Variants in BABAM1 observed in about 807,000 individuals in gnomAD.
The protein encoded by BABAM1 is BRISC and BRCA1-A complex member 1.
A neutral mutation model predicts 34.4 loss-of-function variants in BABAM1; 14 were observed. The observed-to-expected ratio is 0.41, with a 90% CI of 0.27 to 0.64. BABAM1 has a LOEUF of 0.64. Ranked by LOEUF, BABAM1 falls within the 30% of genes least tolerant of loss-of-function variation. The pLI is 0.34. For synonymous variants in BABAM1, 169 were observed against 165.8 expected, an observed-to-expected ratio of 1.02 and a Z score of -0.15; for missense variants, 393 against 434.0, an observed-to-expected ratio of 0.91 and a Z score of 0.84.
In BABAM1 at chr19:17,276,612, G is replaced by A. The variant is rs149371949; in HGVS notation, c.687G>A (p.Thr229=). The change falls in exon 7 of 9, where the codon ACG becomes ACA. Residue 229 remains threonine (T), a synonymous_variant. Coordinates refer to ENST00000598188, the MANE Select transcript of BABAM1 (RefSeq NM_014173.4). ...CTTGCCAGCCCCAGTTCTCCTTGAC[G>A]GAGCCCATGAAGGTGGGTGAGGCCT... ...RPPCQPQFSL[T]EPMKKMFQCP... 6.1e-4 allele frequency: 974 copies of A among 1,604,740 alleles called. 2 individuals are homozygous for A. Among genetic ancestry groups the A allele is most frequent in the African/African-American group, 5.7e-3 (423 of 74,836 alleles).
chr19:17,267,912 C>T (rs2073787571), intron 1 of BABAM1, among the ~76,000 whole-genome samples: 1 of 152,058 alleles, frequency 6.6e-6, no homozygotes, highest in Admixed American at 6.6e-5. Flanking sequence ...TAACAGAAAA[C>T]CCTACTCAAT....
intron 2 of BABAM1, among the ~76,000 whole-genome samples, chr19:17,270,296 C>T (rs1003016996): frequency 6.6e-5 from 10 of 152,106 alleles, no homozygotes; most frequent in Non-Finnish European, 1.2e-4. Context: ...GTTCCACCCA[C>T]CTCAGCCTCC....
At chr19:17,278,402 G>T (rs1338802462) in intron 8 of BABAM1, among the ~76,000 whole-genome samples, 1 of 149,930 alleles carries the variant, frequency 6.7e-6, no homozygotes. Context: ...TCCGCCTCCC[G>T]GGTTTGCGCC....
intron 1 of BABAM1, among the ~76,000 whole-genome samples, chr19:17,268,044 G>T (rs2073789352): frequency 6.6e-6 from 1 of 151,908 alleles, no homozygotes; most frequent in Non-Finnish European, 1.5e-5. Flanking sequence ...TTTTACCGAG[G>T]CAAAAGGGGC....
Position 17,278,296 on chromosome 19 carries a change from G to A in BABAM1, c.787-549G>A, listed in dbSNP as rs535862726. Reference sequence around the variant, plus strand: ...AGAATGTGTCTGTATCTGACTGTGTGCCTCCACACTGGGGACTCTTTTTTT... The same window carrying A: ...AGAATGTGTCTGTATCTGACTGTGTACCTCCACACTGGGGACTCTTTTTTT... On this transcript the variant is annotated intron_variant, in intron 8 of 8. Coordinates refer to ENST00000598188, the MANE Select transcript of BABAM1 (RefSeq NM_014173.4). Among the ~76,000 whole-genome samples the A allele has an allele frequency of 2.0e-5, 3 of 152,006 alleles. No individual in the cohort carries two copies. The East Asian group carries it at 5.8e-4, about 29-fold the overall frequency.
chr19:17,270,692 A>AT (rs1263833188), intron 2 of BABAM1, among the ~76,000 whole-genome samples: 84 of 135,086 alleles, frequency 6.2e-4, no homozygotes, highest in African/African-American at 1.0e-3. Context: ...CACCCAACAA[A>AT]TTTTTTTTTT....
At chr19:17,274,836 G>A (rs747295049) in intron 5 of BABAM1, among the ~76,000 whole-genome samples, 1 of 141,498 alleles carries the variant, frequency 7.1e-6, no homozygotes, top group East Asian at 2.0e-4. Context: ...AATGGTGAGA[G>A]TTTTTTCCAG....
rs775584263 is a variant in BABAM1 at position 17,274,077 on chromosome 19, C to T, written c.466-30C>T. On this transcript the variant is annotated intron_variant, in intron 4 of 8. Coordinates refer to ENST00000598188, the MANE Select transcript of BABAM1 (RefSeq NM_014173.4). ...CTGGGGTCCCCTGGGGCCCGGGGAGCATCGCACTGAGGCCTCTGCTTCCCT... is the reference window on the plus strand; with the variant it reads ...CTGGGGTCCCCTGGGGCCCGGGGAGTATCGCACTGAGGCCTCTGCTTCCCT... 1.3e-5 allele frequency: 21 copies of T among 1,613,642 alleles called. No individual in the cohort carries two copies. The South Asian group carries it at 1.9e-4, about 14-fold the overall frequency.
intron 3 of BABAM1, among the ~76,000 whole-genome samples, chr19:17,271,871 G>A (rs952777370): frequency 4.6e-5 from 7 of 152,210 alleles, no homozygotes; most frequent in African/African-American, 1.4e-4. Context: ...CTAGGGGTTC[G>A]AGACTAGTCT....
intron 1 of BABAM1, 160 bp from the exon 2 acceptor site, chr19:17,268,634 G>A (rs774465344): frequency 4.4e-6 from 3 of 689,072 alleles, no homozygotes; most frequent in Non-Finnish European, 7.0e-6. Context: ...TCTCCATGTT[G>A]GTCAGGCTGG....
intron 8 of BABAM1, among the ~76,000 whole-genome samples, chr19:17,278,115 G>A (rs1354075058): frequency 6.8e-6 from 1 of 147,222 alleles, no homozygotes; most frequent in Non-Finnish European, 1.5e-5. Context: ...CAGAGGTTGC[G>A]GTGAGCCGAG....
chr19:17,276,942 G>A lies in BABAM1; in HGVS notation c.786+33G>A, dbSNP rs201113905. 440 of 1,551,926 alleles carry A rather than the reference G, an allele frequency of 2.8e-4. No individual in the cohort carries two copies. Among genetic ancestry groups the A allele is most frequent in the Admixed American group, 1.3e-4 (7 of 52,374 alleles). On this transcript the variant is annotated intron_variant, in intron 8 of 8. Transcript: ENST00000598188. ...GCTGCAGCAGGTGTGAGTAGCAGGC[G>A]GGTGTGGACAGGATGTCTTGGAACA...
chr19:17,278,740 CA>C, intron 8 of BABAM1, 104 bp from the exon 9 acceptor site: 1 of 1,133,260 alleles, frequency 8.8e-7, no homozygotes, highest in Non-Finnish European at 1.3e-6. Flanking sequence ...CTTTAGAACC[CA>C]CCCCAGATGT....
rs539668164 is a variant in BABAM1 at position 17,278,837 on chromosome 19, C to T, written c.787-8C>T. 1.9e-6 allele frequency: 3 copies of T among 1,609,900 alleles called. No individual in the cohort carries two copies. The highest frequency in any genetic ancestry group is 2.7e-5 in the African/African-American group (2 of 75,006). ...ACAGCCCTTCACTGACCCCCGCCTC[C>T]CCGGCAGGATATGTTTGCCTTCATG... On this transcript the variant is annotated splice_region_variant and splice_polypyrimidine_tract_variant and intron_variant, in intron 8 of 8. Transcript: ENST00000598188.
Position 17,275,842 on chromosome 19 carries a change from G to A in BABAM1, c.569+17G>A. ...CAGCCTCATGTAAGTCCCCTGTGGG[G>A]AAATTCTTATTCACCTTCAAAGAGA... On this transcript the variant is annotated intron_variant, in intron 6 of 8. Transcript: ENST00000598188. 1.9e-6 allele frequency: 3 copies of A among 1,611,774 alleles called. No homozygotes were observed. The highest frequency in any genetic ancestry group is 2.5e-6 in the Non-Finnish European group (3 of 1,177,942).
chr19:17,276,578 G>A lies in BABAM1; in HGVS notation c.653G>A (p.Ser218Asn), dbSNP rs2073911459. 6.2e-7 allele frequency: 1 copy of A among 1,606,612 alleles called. No homozygotes were observed. The highest frequency in any genetic ancestry group is 8.5e-7 in the Non-Finnish European group (1 of 1,176,742). Reference protein sequence around the residue: ...PYVVRTILVYSRPPCQPQFSL... With the variant: ...PYVVRTILVYNRPPCQPQFSL... ...GTGGTCCGCACCATCCTTGTCTACA[G>A]CCGTCCACCTTGCCAGCCCCAGTTC... The change falls in exon 7 of 9, where the codon AGC becomes AAC. Residue 218 changes from serine to asparagine, a missense_variant. Coordinates refer to ENST00000598188, the MANE Select transcript of BABAM1 (RefSeq NM_014173.4).
chr19:17,278,120 G>T (rs1041756720), intron 8 of BABAM1, among the ~76,000 whole-genome samples: 16 of 151,794 alleles, frequency 1.1e-4, no homozygotes, highest in African/African-American at 3.9e-4. Context: ...GTTGCGGTGA[G>T]CCGAGATCGT....
intron 1 of BABAM1, among the ~76,000 whole-genome samples, 195 bp downstream of exon 1, chr19:17,267,722 A>T (rs1216353561): frequency 6.6e-6 from 1 of 152,186 alleles, no homozygotes; most frequent in Non-Finnish European, 1.5e-5. Flanking sequence ...CTCAAAGACC[A>T]TCTTGGGAAG....
intron 1 of BABAM1, 119 bp from the exon 2 acceptor site, chr19:17,268,675 T>C: frequency 8.8e-7 from 1 of 1,141,018 alleles, no homozygotes; most frequent in South Asian, 1.7e-5. Context: ...GTGATCCACC[T>C]GCCTCGGCCT....
Sources: allele counts gnomAD v4.1 joint callset (sites outside exome capture counted in the v4.1 genomes callset), GRCh38; gene constraint gnomAD v4.1.1; transcripts MANE v1.5; gene names NCBI Gene and HGNC (gene_info 2026-07-23, HGNC 2026-07-21).